SPATA13: variants seen among roughly 807,000 people sequenced by gnomAD.
The protein encoded by SPATA13 is spermatogenesis associated 13, also known as spermatogenesis-associated protein 13.
Under a neutral mutation model 104.0 loss-of-function variants are expected in SPATA13, and 50 were observed. The ratio of observed to expected loss-of-function variants is 0.48; its 90% CI spans 0.38 to 0.61. The LOEUF (loss-of-function observed/expected upper bound fraction) is 0.61. SPATA13 is among the 20% of genes least tolerant of loss of function. SPATA13 has a pLI of 0.00. For synonymous variants in SPATA13, 606 were observed against 667.5 expected (o/e 0.91, Z 1.42); for missense variants, 1,524 against 1,690.6 (o/e 0.90, Z 1.73).
chr13:24,160,360 C>T (rs918036310), upstream of SPATA13, among the ~76,000 whole-genome samples: 1 of 152,154 alleles, frequency 6.6e-6, no homozygotes, highest in Admixed American at 6.5e-5. Flanking sequence ...ATTCTCCTGC[C>T]TTAGCCTCCT....
intron 2 of SPATA13, among the ~76,000 whole-genome samples, chr13:24,226,545 C>CATAGCTGGAAGATTATTAAT (rs1353601104): frequency 6.6e-6 from 1 of 152,114 alleles, no homozygotes; most frequent in African/African-American, 2.4e-5. Context: ...AGTAATATTA[C>CATAGCTGGAAGATTATTAAT]CTTACATAGC....
intron 1 of SPATA13, among the ~76,000 whole-genome samples, chr13:24,221,872 G>A (rs2861540): frequency 6.7e-6 from 1 of 148,720 alleles, no homozygotes; most frequent in South Asian, 2.1e-4. Flanking sequence ...GAGTGCAGTG[G>A]CGCAATCTTG....
chr13:24,018,708 T>C (rs1035897711), intron 3 of SPATA13, among the ~76,000 whole-genome samples: 2 of 152,216 alleles, frequency 1.3e-5, no homozygotes, highest in Admixed American at 1.3e-4. Flanking sequence ...TGACTTTTCA[T>C]TTGCTATTTG....
intron 4 of SPATA13, among the ~76,000 whole-genome samples, chr13:24,282,991 C>T (rs1875659661): frequency 2.0e-5 from 3 of 152,212 alleles, no homozygotes; most frequent in Non-Finnish European, 4.4e-5. Context: ...AACAGCAGCC[C>T]AGGATGAACT....
intron 1 of SPATA13, among the ~76,000 whole-genome samples, chr13:24,219,097 C>A (rs1175460611): frequency 2.7e-5 from 4 of 150,888 alleles, no homozygotes; most frequent in African/African-American, 9.7e-5. Context: ...ATCTGAAATT[C>A]TTTCTTAGTT....
chr13:24,028,349 G>T (rs577580012), intron 3 of SPATA13, among the ~76,000 whole-genome samples: 1 of 152,290 alleles, frequency 6.6e-6, no homozygotes, highest in African/African-American at 2.4e-5. Context: ...ATCAGTTCAT[G>T]TGCAGGTGTC....
intron 1 of SPATA13, among the ~76,000 whole-genome samples, chr13:24,167,577 T>C (rs888603551): frequency 6.6e-6 from 1 of 152,222 alleles, no homozygotes. Context: ...CCAATACTTC[T>C]GTGTGAATAG....
chr13:24,167,020 C>A (rs1383722829), intron 1 of SPATA13, among the ~76,000 whole-genome samples: 4 of 152,190 alleles, frequency 2.6e-5, no homozygotes, highest in Admixed American at 2.6e-4. Flanking sequence ...TACCAGGGTG[C>A]CTTTAAATAC....
chr13:23,990,694 C>A (rs1258013812), intron 2 of SPATA13, among the ~76,000 whole-genome samples: 2 of 152,306 alleles, frequency 1.3e-5, no homozygotes, highest in African/African-American at 2.4e-5. Flanking sequence ...GTGCACCCCA[C>A]GAAGCTGTAA....
intron 2 of SPATA13, among the ~76,000 whole-genome samples, chr13:24,232,476 GT>G (rs1354007627): frequency 6.6e-6 from 1 of 152,146 alleles, no homozygotes; most frequent in Non-Finnish European, 1.5e-5. Flanking sequence ...ACCCAATCAA[GT>G]TGACACATCA....
intron 1 of SPATA13, among the ~76,000 whole-genome samples, chr13:24,194,305 A>G (rs1220559): frequency 0.066 from 10,096 of 152,268 alleles, 1,040 homozygotes; most frequent in African/African-American, 0.23. Context: ...TTACAAAAGA[A>G]GAAAAGAAAA....
intron 10 of SPATA13, among the ~76,000 whole-genome samples, chr13:24,296,276 A>C (rs1268849717): frequency 6.6e-6 from 1 of 152,222 alleles, no homozygotes; most frequent in Non-Finnish European, 1.5e-5. Flanking sequence ...TGCTCTGAGC[A>C]AGTAAATAGA....
chr13:24,197,507 A>G (rs1870130830), intron 1 of SPATA13, among the ~76,000 whole-genome samples: 1 of 152,210 alleles, frequency 6.6e-6, no homozygotes, highest in Admixed American at 6.5e-5. Context: ...TAAATTAGAC[A>G]ACACTGGTTA....
chr13:24,198,550 C>A (rs1305219306), intron 1 of SPATA13, among the ~76,000 whole-genome samples: 1 of 152,164 alleles, frequency 6.6e-6, no homozygotes, highest in African/African-American at 2.4e-5. Flanking sequence ...TTGAGTTTGG[C>A]TTGGGATTAC....
intron 3 of SPATA13, among the ~76,000 whole-genome samples, chr13:24,155,494 T>C (rs916521014): frequency 6.6e-6 from 1 of 152,060 alleles, no homozygotes; most frequent in African/African-American, 2.4e-5. Flanking sequence ...CCACACACAC[T>C]CTCGGTGCCT....
At chr13:24,072,305 A>G (rs1879191014) in intron 3 of SPATA13, among the ~76,000 whole-genome samples, 1 of 152,244 alleles carries the variant, frequency 6.6e-6, no homozygotes. Flanking sequence ...CAGAAGAGAA[A>G]CTGTCTTTAA....
intron 4 of SPATA13, among the ~76,000 whole-genome samples, chr13:24,279,485 G>A (rs1184970474): frequency 6.6e-6 from 1 of 152,184 alleles, no homozygotes; most frequent in African/African-American, 2.4e-5. Flanking sequence ...AGGGAGACCA[G>A]GAGGGGCTGC....
At chr13:24,073,976 T>A (rs1406220479) in intron 3 of SPATA13, among the ~76,000 whole-genome samples, 4 of 152,264 alleles carry the variant, frequency 2.6e-5, no homozygotes, top group African/African-American at 4.8e-5. Context: ...TCCCTGTCTC[T>A]ACCCTGATTC....
At position 24,171,748 on chromosome 13, in the gene SPATA13, C is replaced by T. The variant is rs553270807; in HGVS notation, c.-112+10816C>T. Among the ~76,000 whole-genome samples the T allele has an allele frequency of 6.6e-4, 100 of 152,262 alleles. 1 individual carries two copies. The highest frequency in any genetic ancestry group is 2.3e-3 in the African/African-American group (96 of 41,566). ...CATACCCAAACCTGGTGATTGGTTA[C>T]GTGAATAACAAAGTTTTGGTGCATA... On this transcript the variant is annotated intron_variant, in intron 1 of 12. Coordinates refer to ENST00000382108, the MANE Select transcript of SPATA13 (RefSeq NM_001166271.3).
Sources: gnomAD v4.1 joint callset for allele counts (sites outside exome capture counted in the v4.1 genomes callset) on GRCh38, gnomAD v4.1.1 for gene constraint, MANE v1.5 for transcripts, NCBI Gene and HGNC (gene_info 2026-07-23, HGNC 2026-07-21) for gene names.